Variants in PLCXD3 observed in about 807,000 individuals in gnomAD.
The protein encoded by PLCXD3 is phosphatidylinositol specific phospholipase C X domain containing 3.
A neutral mutation model predicts 25.5 loss-of-function variants in PLCXD3; 19 were observed. That is an observed-to-expected ratio of 0.75 (90% CI 0.52 to 1.09). The LOEUF (loss-of-function observed/expected upper bound fraction) is 1.09, where lower values mean the gene tolerates loss of function less well. Ranked by LOEUF, PLCXD3 falls within the 50% of genes least tolerant of loss-of-function variation. The pLI, the probability that PLCXD3 is intolerant of heterozygous loss-of-function variation, is 0.00. For missense variants in PLCXD3, 411 were observed against 388.1 expected (o/e 1.06, Z -0.50); for synonymous variants, 174 against 137.6 (o/e 1.26, Z -1.85).
rs568896578 is a variant in PLCXD3 at position 41,493,597 on chromosome 5, C to A, written c.103+16827G>T. ...TGTGGTGGGCTCCACCCAGTTCGAG[C>A]TTTCTGGCTGCTTTGTTTATCTAAG... is the stretch of plus-strand genomic sequence containing the variant. On this transcript the variant is annotated intron_variant, in intron 1 of 2. Transcript: ENST00000377801. 2.8e-4 allele frequency among the ~76,000 whole-genome samples: 43 copies of A among 152,360 alleles called. No individual in the cohort carries two copies. In the South Asian group the frequency reaches 8.3e-3, roughly 29 times the overall value.
Position 41,308,282 on chromosome 5 carries a change from T to C in PLCXD3, c.*5335A>G, listed in dbSNP as rs900630006. The C allele has an allele frequency of 2.6e-4, 39 of 152,122 alleles. No individual in the cohort carries two copies. Among genetic ancestry groups the C allele is most frequent in the African/African-American group, 7.7e-4 (32 of 41,426 alleles). The allele number at this position is 152,122 out of a possible 1,614,324, so 9.4% of individuals were successfully genotyped here. A position where few individuals can be genotyped will look rare whatever the true frequency, so the allele number is the denominator to read the frequency against. Reference sequence around the variant, plus strand: ...AGTTACATTTGAATTTCAGATAAACTTTTTTTAAAGTGAAAGTATGTCTGA... The same window carrying C: ...AGTTACATTTGAATTTCAGATAAACCTTTTTTAAAGTGAAAGTATGTCTGA... On this transcript the variant is annotated 3_prime_UTR_variant, in exon 3 of 3. Coordinates refer to ENST00000377801, the MANE Select transcript of PLCXD3 (RefSeq NM_001005473.3).
intron 2 of PLCXD3, among the ~76,000 whole-genome samples, chr5:41,360,007 C>T (rs1387337899): frequency 6.6e-6 from 1 of 152,112 alleles, no homozygotes; most frequent in African/African-American, 2.4e-5. Context: ...CAGTCACAAA[C>T]TTCTCGGAGC....
At chr5:41,497,548 G>A (rs762489906) in intron 1 of PLCXD3, among the ~76,000 whole-genome samples, 75 of 151,734 alleles carry the variant, frequency 4.9e-4, no homozygotes, top group Non-Finnish European at 9.6e-4. Flanking sequence ...AGCAGTGACA[G>A]AACTGAAGGA....
At chr5:41,317,274 T>C (rs1484831899) in intron 2 of PLCXD3, among the ~76,000 whole-genome samples, 2 of 152,254 alleles carry the variant, frequency 1.3e-5, no homozygotes, top group African/African-American at 4.8e-5. Flanking sequence ...GTGGTACCTC[T>C]ACAAGTCATC....
chr5:41,343,261 GAT>G (rs1208089155), intron 2 of PLCXD3, among the ~76,000 whole-genome samples: 1 of 151,932 alleles, frequency 6.6e-6, no homozygotes, highest in Non-Finnish European at 1.5e-5. Context: ...TTGAATGAAA[GAT>G]ATTAAAATTA....
At position 41,406,506 on chromosome 5, in the gene PLCXD3, T is replaced by C. The variant is rs145125318; in HGVS notation, c.104-23972A>G. Among the ~76,000 whole-genome samples, 102 of 152,280 alleles carry C rather than the reference T, an allele frequency of 6.7e-4. No individual in the cohort carries two copies. The East Asian group carries it at 0.019, about 28-fold the overall frequency. On this transcript the variant is annotated intron_variant, in intron 1 of 2. Transcript: ENST00000377801. ...CTTATCTCATCATCCTTCTATCTCATCCTTGGGTTAATCTTCAACTCTTGC... is the reference window on the plus strand; with the variant it reads ...CTTATCTCATCATCCTTCTATCTCACCCTTGGGTTAATCTTCAACTCTTGC...
intron 1 of PLCXD3, among the ~76,000 whole-genome samples, chr5:41,458,294 A>T (rs1205840275): frequency 1.3e-5 from 2 of 151,916 alleles, no homozygotes; most frequent in Admixed American, 1.3e-4. Flanking sequence ...TAAAAAACAT[A>T]CTGAACAGCC....
chr5:41,490,650 T>G (rs147353711), intron 1 of PLCXD3, among the ~76,000 whole-genome samples: 16,971 of 151,914 alleles, frequency 0.11, 1,399 homozygotes, highest in African/African-American at 0.23. Context: ...ACTTCTTCCT[T>G]GTTTAGTCTT....
intron 1 of PLCXD3, among the ~76,000 whole-genome samples, chr5:41,435,278 T>C (rs1747220448): frequency 6.6e-6 from 1 of 152,224 alleles, no homozygotes; most frequent in African/African-American, 2.4e-5. Flanking sequence ...TCTACCACAA[T>C]TTGTATAACT....
intron 1 of PLCXD3, among the ~76,000 whole-genome samples, chr5:41,398,224 C>A (rs539943551): frequency 6.6e-6 from 1 of 152,144 alleles, no homozygotes; most frequent in African/African-American, 2.4e-5. Context: ...GGGAAGAGAC[C>A]TGGTGGGAGA....
At chr5:41,455,162 C>T (rs1747725124) in intron 1 of PLCXD3, among the ~76,000 whole-genome samples, 1 of 151,902 alleles carries the variant, frequency 6.6e-6, no homozygotes, top group Admixed American at 6.6e-5. Context: ...GGTGGGGACA[C>T]AAAGCCTAAC....
chr5:41,464,519 C>T (rs547468375), intron 1 of PLCXD3, among the ~76,000 whole-genome samples: 5 of 152,134 alleles, frequency 3.3e-5, no homozygotes, highest in East Asian at 1.9e-4. Flanking sequence ...CACCATGGCA[C>T]ATGTATACCT....
At chr5:41,406,302 A>G (rs975828484) in intron 1 of PLCXD3, among the ~76,000 whole-genome samples, 1 of 152,036 alleles carries the variant, frequency 6.6e-6, no homozygotes, top group East Asian at 1.9e-4. Context: ...TTTTGCCTTT[A>G]TATAGATGCA....
Position 41,493,535 on chromosome 5 carries a change from A to G in PLCXD3, c.103+16889T>C, listed in dbSNP as rs550589823. On this transcript the variant is annotated intron_variant, in intron 1 of 2. Coordinates refer to ENST00000377801, the MANE Select transcript of PLCXD3 (RefSeq NM_001005473.3). Reference sequence around the variant, plus strand: ...TTGTTTGTCTGTGCCTTGCCCCCAGAGGTGGAGCCTGCAGAGGCAGGCAGG... The same window carrying G: ...TTGTTTGTCTGTGCCTTGCCCCCAGGGGTGGAGCCTGCAGAGGCAGGCAGG... 3.2e-3 allele frequency among the ~76,000 whole-genome samples: 487 copies of G among 152,368 alleles called. 4 individuals carry two copies. Among genetic ancestry groups the G allele is most frequent in the African/African-American group, 0.011 (462 of 41,596 alleles).
intron 2 of PLCXD3, among the ~76,000 whole-genome samples, chr5:41,328,365 A>G (rs1743693571): frequency 6.6e-6 from 1 of 152,174 alleles, no homozygotes; most frequent in South Asian, 2.1e-4. Context: ...TGATATAAAA[A>G]TGAGTCTGCA....
At chr5:41,352,976 C>G (rs969831467) in intron 2 of PLCXD3, among the ~76,000 whole-genome samples, 1 of 152,140 alleles carries the variant, frequency 6.6e-6, no homozygotes, top group African/African-American at 2.4e-5. Flanking sequence ...TGATTTAAAG[C>G]CAGTGCCTAT....
chr5:41,368,179 T>C (rs544360772), intron 2 of PLCXD3, among the ~76,000 whole-genome samples: 89 of 152,278 alleles, frequency 5.8e-4, no homozygotes, highest in Non-Finnish European at 9.6e-4. Flanking sequence ...CCTTCACTTA[T>C]CTTGTTAGCT....
intron 2 of PLCXD3, among the ~76,000 whole-genome samples, chr5:41,317,102 G>A (rs568886618): frequency 2.0e-5 from 3 of 152,240 alleles, no homozygotes; most frequent in Non-Finnish European, 4.4e-5. Flanking sequence ...CACAGTCATA[G>A]TAGTGGTGGC....
At chr5:41,412,450 T>A (rs1561265888) in intron 1 of PLCXD3, among the ~76,000 whole-genome samples, 1 of 152,214 alleles carries the variant, frequency 6.6e-6, no homozygotes, top group Non-Finnish European at 1.5e-5. Flanking sequence ...GGAGGTGACT[T>A]ACACCCTTTC....
Sources: allele counts gnomAD v4.1 joint callset (sites outside exome capture counted in the v4.1 genomes callset), GRCh38; gene constraint gnomAD v4.1.1; transcripts MANE v1.5; gene names NCBI Gene and HGNC (gene_info 2026-07-23, HGNC 2026-07-21).